The following SH3GLB1 variants were observed in gnomAD, a reference collection of about 807,000 sequenced individuals.
The protein encoded by SH3GLB1 is SH3 domain containing GRB2 like, endophilin B1, also known as endophilin-B1.
SH3GLB1 carries 17 observed loss-of-function variants against 42.0 expected under a neutral mutation model. The ratio of observed to expected loss-of-function variants is 0.40; its 90% CI spans 0.28 to 0.61. The LOEUF is 0.61. SH3GLB1 is among the 20% of genes least tolerant of loss of function. The pLI is 0.36. For synonymous variants in SH3GLB1, 132 were observed against 146.6 expected, an observed-to-expected ratio of 0.90 and a Z score of 0.72; for missense variants, 355 against 426.3, an observed-to-expected ratio of 0.83 and a Z score of 1.47.
chr1:86,725,246 A>G (rs913142865), intron 5 of SH3GLB1, among the ~76,000 whole-genome samples: 1 of 151,976 alleles, frequency 6.6e-6, no homozygotes, highest in African/African-American at 2.4e-5. Flanking sequence ...AACTAAAAGA[A>G]TGTTCACCAA....
intron 5 of SH3GLB1, among the ~76,000 whole-genome samples, chr1:86,732,636 A>G (rs1655573065): frequency 6.6e-6 from 1 of 152,088 alleles, no homozygotes; most frequent in Non-Finnish European, 1.5e-5. Flanking sequence ...GTACAGAAGG[A>G]CCTCCTAAGC....
At chr1:86,723,882 G>A (rs1655008077) in intron 4 of SH3GLB1, among the ~76,000 whole-genome samples, 1 of 152,136 alleles carries the variant, frequency 6.6e-6, no homozygotes, top group African/African-American at 2.4e-5. Flanking sequence ...CACTAATGAC[G>A]TTTTGGGCTG....
intron 7 of SH3GLB1, among the ~76,000 whole-genome samples, chr1:86,741,184 A>G (rs1656044618): frequency 1.3e-5 from 2 of 152,148 alleles, no homozygotes; most frequent in East Asian, 3.9e-4. Context: ...GCACTGGAGG[A>G]TGAAGGGAAG....
chr1:86,739,404 G>A (rs1174855122), intron 7 of SH3GLB1, among the ~76,000 whole-genome samples: 1 of 152,206 alleles, frequency 6.6e-6, no homozygotes, highest in Admixed American at 6.5e-5. Flanking sequence ...GAAAGTGGGA[G>A]AGAATGGTCA....
At chr1:86,739,923 T>C (rs1265015467) in intron 7 of SH3GLB1, among the ~76,000 whole-genome samples, 1 of 152,120 alleles carries the variant, frequency 6.6e-6, no homozygotes, top group African/African-American at 2.4e-5. Flanking sequence ...GGTGGGCAGA[T>C]CACTTGAGCT....
At chr1:86,709,411 C>T (rs937086614) in intron 1 of SH3GLB1, among the ~76,000 whole-genome samples, 4 of 152,088 alleles carry the variant, frequency 2.6e-5, no homozygotes, top group Admixed American at 6.6e-5. Context: ...TAACTAATAC[C>T]AGTATAAATT....
chr1:86,727,745 A>G (rs1382496799), intron 5 of SH3GLB1, among the ~76,000 whole-genome samples: 1 of 152,070 alleles, frequency 6.6e-6, no homozygotes, highest in Admixed American at 6.6e-5. Context: ...GCTGATTTCA[A>G]AGCTCTGCAG....
intron 5 of SH3GLB1, among the ~76,000 whole-genome samples, chr1:86,724,892 A>AAAAAAAATATATATATATAT (rs1291454820): frequency 1.0e-5 from 1 of 99,698 alleles, no homozygotes; most frequent in Non-Finnish European, 1.8e-5. Flanking sequence ...AAAAAAAAAA[A>AAAAAAAATATATATATATAT]ATATATATAT....
chr1:86,728,114 T>G (rs1436490823), intron 5 of SH3GLB1, among the ~76,000 whole-genome samples: 5 of 151,896 alleles, frequency 3.3e-5, no homozygotes, highest in Admixed American at 6.6e-5. Flanking sequence ...TAATAAAAAT[T>G]GTAGGTAACT....
intron 2 of SH3GLB1, among the ~76,000 whole-genome samples, chr1:86,718,207 T>C (rs923028911): frequency 3.9e-5 from 6 of 151,932 alleles, no homozygotes; most frequent in African/African-American, 1.4e-4. Flanking sequence ...ACCTAGCTAA[T>C]TTTTGTATTT....
At position 86,722,674 on chromosome 1, in the gene SH3GLB1, G is replaced by A; in HGVS notation, c.477+1G>A. On this transcript the variant is annotated splice_donor_variant, in intron 4 of 8. Transcript: ENST00000370558. LOFTEE classifies it high-confidence loss of function. Reference sequence around the variant, plus strand: ...AGAAGGAGATTACAAAACAATTGCTGTGAGTTGAAAAATGTCCCCTTTATT... The same window carrying A: ...AGAAGGAGATTACAAAACAATTGCTATGAGTTGAAAAATGTCCCCTTTATT... The A allele has an allele frequency of 6.3e-7, 1 of 1,589,480 alleles. No homozygotes were observed. Among genetic ancestry groups the A allele is most frequent in the Non-Finnish European group, 8.5e-7 (1 of 1,171,042 alleles).
At chr1:86,709,703 G>C (rs771572402) in intron 1 of SH3GLB1, among the ~76,000 whole-genome samples, 7 of 152,120 alleles carry the variant, frequency 4.6e-5, no homozygotes, top group Non-Finnish European at 8.8e-5. Flanking sequence ...AATTACTTAG[G>C]GAGGGAGTTC....
intron 5 of SH3GLB1, among the ~76,000 whole-genome samples, chr1:86,733,367 C>T (rs1412955395): frequency 6.6e-6 from 1 of 152,038 alleles, no homozygotes; most frequent in Admixed American, 6.6e-5. Flanking sequence ...ACTATTGCCA[C>T]CAAAGGATGA....
At chr1:86,705,052 C>CG (rs1164242023) in intron 1 of SH3GLB1, 81 bp downstream of exon 1, 20 of 928,000 alleles carry the variant, frequency 2.2e-5, no homozygotes, top group Non-Finnish European at 3.2e-5. Context: ...GCGGCGCCCC[C>CG]GGGCCTCGCC....
At chr1:86,740,120 A>C (rs1164310844) in intron 7 of SH3GLB1, among the ~76,000 whole-genome samples, 1 of 151,592 alleles carries the variant, frequency 6.6e-6, no homozygotes, top group Non-Finnish European at 1.5e-5. Context: ...ACTGCACTAC[A>C]GCCTGGGCAA....
intron 7 of SH3GLB1, among the ~76,000 whole-genome samples, chr1:86,736,339 C>T (rs1353708668): frequency 6.6e-6 from 1 of 152,176 alleles, no homozygotes; most frequent in Non-Finnish European, 1.5e-5. Context: ...TGTTTCTGCA[C>T]ATTAACACTT....
intron 3 of SH3GLB1, among the ~76,000 whole-genome samples, 183 bp from the exon 4 acceptor site, chr1:86,722,357 A>G (rs992999141): frequency 2.0e-5 from 3 of 152,186 alleles, no homozygotes; most frequent in South Asian, 2.1e-4. Context: ...TCATTTAGAC[A>G]CATACTCTTA....
At chr1:86,717,993 T>C (rs1654640518) in intron 2 of SH3GLB1, among the ~76,000 whole-genome samples, 1 of 151,922 alleles carries the variant, frequency 6.6e-6, no homozygotes, top group African/African-American at 2.4e-5. Flanking sequence ...TTTGGCCAGA[T>C]AGGTGGAAAA....
intron 7 of SH3GLB1, 30 bp from the exon 8 acceptor site, chr1:86,742,178 A>G (rs764056099): frequency 3.8e-6 from 6 of 1,578,364 alleles, no homozygotes; most frequent in Non-Finnish European, 5.2e-6. Flanking sequence ...TCACTTGGAA[A>G]TAAATAATTC....
Sources: allele counts gnomAD v4.1 joint callset (sites outside exome capture counted in the v4.1 genomes callset), GRCh38; gene constraint gnomAD v4.1.1; transcripts MANE v1.5; gene names NCBI Gene and HGNC (gene_info 2026-07-23, HGNC 2026-07-21).